Variants in NRP1 observed in about 807,000 individuals in gnomAD.
NRP1 encodes the protein neuropilin 1.
In NRP1, 35 loss-of-function variants were observed where a neutral mutation model predicts 106.7. The observed-to-expected ratio is 0.33, with a 90% CI of 0.25 to 0.43. NRP1 has a LOEUF of 0.43. Ranked by LOEUF, NRP1 falls within the 20% of genes least tolerant of loss-of-function variation. The pLI, the probability that NRP1 is intolerant of heterozygous loss-of-function variation, is 1.00. For missense variants in NRP1, 1,024 were observed against 1,170.4 expected (o/e 0.87, Z 1.83); for synonymous variants, 437 against 417.9 (o/e 1.05, Z -0.56).
intron 12 of NRP1, among the ~76,000 whole-genome samples, chr10:33,193,679 C>G (rs566898817): frequency 1.3e-5 from 2 of 152,206 alleles, no homozygotes; most frequent in East Asian, 1.9e-4. Flanking sequence ...TCATTTTGAG[C>G]TTCTTTAACT....
chr10:33,280,370 T>C (rs1844030142), intron 2 of NRP1, among the ~76,000 whole-genome samples: 1 of 152,202 alleles, frequency 6.6e-6, no homozygotes, highest in Non-Finnish European at 1.5e-5. Flanking sequence ...ACTTGCAAAG[T>C]TCAGTATTTG....
intron 2 of NRP1, 134 bp from the exon 3 acceptor site, chr10:33,270,990 T>G (rs184278707): frequency 3.5e-4 from 227 of 643,644 alleles, no homozygotes; most frequent in Admixed American, 5.2e-4. Context: ...CATCACTGCA[T>G]TAAATGGAGG....
intron 6 of NRP1, among the ~76,000 whole-genome samples, chr10:33,239,031 C>T (rs1425114410): frequency 6.6e-6 from 1 of 151,900 alleles, no homozygotes; most frequent in Non-Finnish European, 1.5e-5. Flanking sequence ...TGGCTCATGC[C>T]TATAATCCCA....
Position 33,263,894 on chromosome 10 carries a change from G to A in NRP1, c.431-21C>T, listed in dbSNP as rs189903634. 3,853 of 1,484,414 alleles carry A rather than the reference G, an allele frequency of 2.6e-3. 16 individuals are homozygous for A. Among genetic ancestry groups the A allele is most frequent in the Middle Eastern group, 6.2e-3 (36 of 5,826 alleles). 92.0% of individuals were successfully genotyped at this position (1,484,414 alleles called of 1,614,324 possible). A position where few individuals can be genotyped will look rare whatever the true frequency, so the allele number is the denominator to read the frequency against. Reference sequence around the variant, plus strand: ...AGGACCTATGAGTAGAAGAGAAAAAGGAGTAAAGTGAAAATCCCACTTAAA... The same window carrying A: ...AGGACCTATGAGTAGAAGAGAAAAAAGAGTAAAGTGAAAATCCCACTTAAA... On this transcript the variant is annotated intron_variant, in intron 3 of 16. Coordinates refer to ENST00000374867, the MANE Select transcript of NRP1 (RefSeq NM_003873.7).
intron 4 of NRP1, among the ~76,000 whole-genome samples, chr10:33,257,277 A>G (rs1842261034): frequency 6.6e-6 from 1 of 152,200 alleles, no homozygotes; most frequent in Non-Finnish European, 1.5e-5. Flanking sequence ...GATTGTGCAC[A>G]CCAGGAAAAA....
At chr10:33,294,573 C>T (rs577897178) in intron 2 of NRP1, among the ~76,000 whole-genome samples, 3 of 149,884 alleles carry the variant, frequency 2.0e-5, no homozygotes, top group Non-Finnish European at 4.4e-5. Flanking sequence ...AGTTGACATC[C>T]GCCACTGCAG....
At chr10:33,308,230 G>A (rs546503279) in intron 2 of NRP1, among the ~76,000 whole-genome samples, 52 of 151,946 alleles carry the variant, frequency 3.4e-4, no homozygotes, top group Non-Finnish European at 6.6e-4. Context: ...GGTGGGAGGA[G>A]GGAAAGGATC....
chr10:33,256,758 G>C (rs958954264), intron 4 of NRP1, among the ~76,000 whole-genome samples: 2 of 152,236 alleles, frequency 1.3e-5, no homozygotes, highest in African/African-American at 4.8e-5. Flanking sequence ...CAAAGAATGA[G>C]ATTTAGGCTA....
chr10:33,212,939 G>A (rs2132809124), intron 9 of NRP1: 2 of 376,894 alleles, frequency 5.3e-6, no homozygotes, highest in South Asian at 8.4e-5. Context: ...CCAAAGTGCT[G>A]GGATTACAGG....
At chr10:33,310,943 A>T (rs1470252169) in intron 2 of NRP1, among the ~76,000 whole-genome samples, 2 of 152,184 alleles carry the variant, frequency 1.3e-5, no homozygotes, top group African/African-American at 4.8e-5. Context: ...AATGACGCCA[A>T]GACCATAAAC....
intron 2 of NRP1, among the ~76,000 whole-genome samples, chr10:33,281,563 A>T (rs764298124): frequency 5.9e-5 from 9 of 152,196 alleles, no homozygotes; most frequent in Admixed American, 6.5e-5. Flanking sequence ...AAAGGAGGTG[A>T]CATCTACCTG....
intron 3 of NRP1, among the ~76,000 whole-genome samples, chr10:33,267,515 A>G (rs1334284757): frequency 1.3e-5 from 2 of 152,200 alleles, no homozygotes; most frequent in Non-Finnish European, 2.9e-5. Context: ...TGGAATTATT[A>G]TTAAATGCAC....
intron 2 of NRP1, among the ~76,000 whole-genome samples, chr10:33,328,460 T>TA (rs1322681754): frequency 1.3e-5 from 2 of 152,206 alleles, no homozygotes; most frequent in Non-Finnish European, 2.9e-5. Flanking sequence ...GCTAGTTTAC[T>TA]ACACCAACTC....
At chr10:33,280,363 T>G (rs904081295) in intron 2 of NRP1, among the ~76,000 whole-genome samples, 2 of 152,208 alleles carry the variant, frequency 1.3e-5, no homozygotes, top group African/African-American at 2.4e-5. Context: ...GTGTCAGACT[T>G]GCAAAGTTCA....
intron 6 of NRP1, among the ~76,000 whole-genome samples, chr10:33,234,200 TC>T (rs1456990177): frequency 6.6e-6 from 1 of 152,178 alleles, no homozygotes; most frequent in African/African-American, 2.4e-5. Flanking sequence ...GTACAGTGTC[TC>T]TTTCAATTCT....
At chr10:33,196,087 G>C (rs1427496857) in intron 12 of NRP1, among the ~76,000 whole-genome samples, 2 of 152,040 alleles carry the variant, frequency 1.3e-5, no homozygotes, top group Non-Finnish European at 2.9e-5. Flanking sequence ...TGACAATATT[G>C]ACCTTCAACA....
chr10:33,212,339 C>T (rs545114876), intron 9 of NRP1: 22 of 152,294 alleles, frequency 1.4e-4, no homozygotes, highest in African/African-American at 4.8e-4. Flanking sequence ...GAATATTATC[C>T]AGCCTTTCGA....
chr10:33,200,399 C>G (rs184176892), intron 11 of NRP1, among the ~76,000 whole-genome samples: 1 of 152,252 alleles, frequency 6.6e-6, no homozygotes, highest in Non-Finnish European at 1.5e-5. Flanking sequence ...CTACTCATTT[C>G]CATGCATTTG....
intron 8 of NRP1, among the ~76,000 whole-genome samples, chr10:33,216,949 C>T (rs1838829702): frequency 1.3e-5 from 2 of 152,076 alleles, no homozygotes; most frequent in Non-Finnish European, 1.5e-5. Context: ...TTCTCAATTG[C>T]CCTTTCCTGT....
Sources: allele counts gnomAD v4.1 joint callset (sites outside exome capture counted in the v4.1 genomes callset), GRCh38; gene constraint gnomAD v4.1.1; transcripts MANE v1.5; gene names NCBI Gene and HGNC (gene_info 2026-07-23, HGNC 2026-07-21).